The following PNPT1 variants were observed in gnomAD, a reference collection of about 807,000 sequenced individuals.
PNPT1 encodes the protein polyribonucleotide nucleotidyltransferase 1, also known as polyribonucleotide nucleotidyltransferase 1, mitochondrial.
A neutral mutation model predicts 119.5 loss-of-function variants in PNPT1; 53 were observed. The ratio of observed to expected loss-of-function variants is 0.44; its 90% CI spans 0.36 to 0.56. The LOEUF (loss-of-function observed/expected upper bound fraction) is 0.56. Ranked by LOEUF, PNPT1 falls within the 20% of genes least tolerant of loss-of-function variation. The probability of loss-of-function intolerance (pLI) is 0.00; values close to 1 mark genes in which losing one functional copy is unlikely to be tolerated. For synonymous variants in PNPT1, 357 were observed against 322.1 expected (o/e 1.11, Z -1.16); for missense variants, 948 against 938.5 (o/e 1.01, Z -0.13).
chr2:55,683,684 T>C, intron 5 of PNPT1, 101 bp downstream of exon 5: 5 of 1,074,952 alleles, frequency 4.7e-6, no homozygotes, highest in Non-Finnish European at 6.7e-6. Context: ...TCATAAAAAA[T>C]TCTTATGTTC....
chr2:55,655,290 C>T (rs778346901), intron 17 of PNPT1, among the ~76,000 whole-genome samples: 2 of 152,116 alleles, frequency 1.3e-5, no homozygotes, highest in Non-Finnish European at 2.9e-5. Context: ...CCTGCCACCA[C>T]GCCCAGCTAA....
intron 15 of PNPT1, among the ~76,000 whole-genome samples, chr2:55,658,021 T>C (rs1696445396): frequency 6.6e-6 from 1 of 151,846 alleles, no homozygotes; most frequent in Non-Finnish European, 1.5e-5. Flanking sequence ...GCAGACTGCT[T>C]GAGCCCAGGA....
At chr2:55,682,029 G>C (rs1697264383) in intron 5 of PNPT1, among the ~76,000 whole-genome samples, 1 of 152,008 alleles carries the variant, frequency 6.6e-6, no homozygotes, top group Non-Finnish European at 1.5e-5. Flanking sequence ...TGTAGTCCCA[G>C]CTACTCAGGT....
At chr2:55,671,097 G>A (rs1696899190) in intron 11 of PNPT1, among the ~76,000 whole-genome samples, 1 of 152,146 alleles carries the variant, frequency 6.6e-6, no homozygotes, top group Non-Finnish European at 1.5e-5. Context: ...TGGAGAAGAG[G>A]TGGCATTTGA....
intron 11 of PNPT1, among the ~76,000 whole-genome samples, chr2:55,670,135 C>T (rs975024281): frequency 3.3e-5 from 5 of 151,766 alleles, no homozygotes; most frequent in African/African-American, 1.2e-4. Context: ...CTATGTCATA[C>T]TTCATTTATA....
chr2:55,642,593 G>A lies in PNPT1; in HGVS notation c.2069+565C>T, dbSNP rs745331595. ...TGCACTCCAGCCTGGGTGACAGAGC[G>A]AGACTCTGTCCCAAAAAAAAAAAAA... On this transcript the variant is annotated intron_variant, in intron 25 of 27. Coordinates refer to ENST00000447944, the MANE Select transcript of PNPT1 (RefSeq NM_033109.5). 7.8e-4 allele frequency among the ~76,000 whole-genome samples: 89 copies of A among 113,568 alleles called. 1 individual carries two copies. The highest frequency in any genetic ancestry group is 1.2e-3 in the Admixed American group (11 of 8,864). 74.5% of individuals were successfully genotyped at this position (113,568 alleles called of 152,430 possible).
intron 12 of PNPT1, among the ~76,000 whole-genome samples, chr2:55,667,451 G>C (rs893092734): frequency 5.9e-5 from 9 of 151,974 alleles, no homozygotes; most frequent in African/African-American, 2.2e-4. Context: ...AAAATTAGCT[G>C]GGCATGGTGG....
rs771374358 is a variant in PNPT1, at chr2:55,645,399, T to G, written c.1772A>C (p.Lys591Thr). ...AGATGCTCGAGGTTTTGAAATAGTT[T>G]TGTTCATGATCTGTAATATCTCCTT... Reference protein sequence around the residue: ...AKKEILQIMNKTISKPRASRK... With the variant: ...AKKEILQIMNTTISKPRASRK... Residue 591 changes from lysine (K) to threonine (T), a missense_variant, in exon 22 of 28, where the codon AAA (lysine) becomes ACA (threonine). Coordinates refer to ENST00000447944, the MANE Select transcript of PNPT1 (RefSeq NM_033109.5). The G allele has an allele frequency of 1.2e-6, 2 of 1,612,330 alleles. No individual in the cohort carries two copies. Among genetic ancestry groups the G allele is most frequent in the Non-Finnish European group, 8.5e-7 (1 of 1,178,690 alleles).
At position 55,644,627 on chromosome 2, in the gene PNPT1, C is replaced by G. The variant is rs769291565; in HGVS notation, c.1906+10G>C. 6.5e-5 allele frequency: 104 copies of G among 1,588,992 alleles called. No homozygotes were observed. The African/African-American group carries it at 9.0e-4, about 14-fold the overall frequency. ...TAATTAAAAAACCCCAAACTTCATA[C>G]AACTCTTACCTGTTTCAGCCTGAAG... On this transcript the variant is annotated intron_variant, in intron 23 of 27. Transcript: ENST00000447944.
Position 55,656,338 on chromosome 2 carries a change from CTT to C in PNPT1, c.1316_1317del (p.Lys439SerfsTer6). The C allele has an allele frequency of 6.2e-7, 1 of 1,609,104 alleles. No individual in the cohort carries two copies. The highest frequency in any genetic ancestry group is 1.3e-5 in the African/African-American group (1 of 74,548). ...FPPYATNEIG[K>X]VTGLNRRELG... ...AGTTCTCTTCTATTTAAACCAGTGA[CTT>C]TGCCAATTTCATTAGTTGCATAAGG... is the stretch of plus-strand genomic sequence containing the variant. On this transcript the variant is annotated frameshift_variant, in exon 16 of 28. Transcript: ENST00000447944. LOFTEE classifies it high-confidence loss of function.
intron 18 of PNPT1, among the ~76,000 whole-genome samples, chr2:55,651,612 C>T (rs1184526332): frequency 6.6e-6 from 1 of 151,224 alleles, no homozygotes; most frequent in African/African-American, 2.4e-5. Context: ...TCCCTAATCT[C>T]AAGTACCCAG....
intron 27 of PNPT1, among the ~76,000 whole-genome samples, chr2:55,636,904 C>CA (rs1364827596): frequency 1.3e-5 from 2 of 151,962 alleles, no homozygotes; most frequent in East Asian, 1.9e-4. Flanking sequence ...ACAAATAAAC[C>CA]AAAAAATCAA....
intron 26 of PNPT1, among the ~76,000 whole-genome samples, chr2:55,640,001 A>G (rs1016740503): frequency 6.6e-6 from 1 of 152,224 alleles, no homozygotes; most frequent in African/African-American, 2.4e-5. Context: ...ATCTTTATTC[A>G]CTGACTATAA....
At chr2:55,661,535 C>G (rs949051814) in intron 14 of PNPT1, among the ~76,000 whole-genome samples, 13 of 152,150 alleles carry the variant, frequency 8.5e-5, no homozygotes, top group African/African-American at 2.9e-4. Context: ...AAAATCACAA[C>G]GTGGCTTGGG....
intron 14 of PNPT1, among the ~76,000 whole-genome samples, chr2:55,660,722 T>C (rs1696539175): frequency 6.6e-6 from 1 of 152,202 alleles, no homozygotes; most frequent in South Asian, 2.1e-4. Context: ...CCCAGTTCAT[T>C]TGATAAGAAA....
At chr2:55,685,439 G>T (rs893015427) in intron 3 of PNPT1, among the ~76,000 whole-genome samples, 2 of 152,052 alleles carry the variant, frequency 1.3e-5, no homozygotes, top group African/African-American at 4.8e-5. Flanking sequence ...GAGGTGGGAG[G>T]ATTGCTTAAG....
At position 55,676,381 on chromosome 2, in the gene PNPT1, A is replaced by G. The variant is rs569122576; in HGVS notation, c.679+3301T>C. On this transcript the variant is annotated intron_variant, in intron 8 of 27. Transcript: ENST00000447944. ...AAATTCTAGACCCAAAATATCTTCT[A>G]AAAACATGTTACTGGTATACTTTTT... Among the ~76,000 whole-genome samples the G allele has an allele frequency of 1.3e-4, 20 of 152,182 alleles. No homozygotes were observed. The East Asian group carries it at 3.5e-3, about 26-fold the overall frequency.
At chr2:55,657,849 T>G (rs1367455601) in intron 15 of PNPT1, among the ~76,000 whole-genome samples, 1 of 33,398 alleles carries the variant, frequency 3.0e-5, no homozygotes, top group Non-Finnish European at 6.6e-5. Flanking sequence ...CTTCAATAGA[T>G]AGACTGCAAA....
At chr2:55,660,835 C>G (rs1696544606) in intron 14 of PNPT1, among the ~76,000 whole-genome samples, 1 of 152,122 alleles carries the variant, frequency 6.6e-6, no homozygotes, top group Non-Finnish European at 1.5e-5. Flanking sequence ...TGACCAAGCC[C>G]AGTGTTCTGC....
Sources: gnomAD v4.1 joint callset for allele counts (sites outside exome capture counted in the v4.1 genomes callset) on GRCh38, gnomAD v4.1.1 for gene constraint, MANE v1.5 for transcripts, NCBI Gene and HGNC (gene_info 2026-07-23, HGNC 2026-07-21) for gene names.